Variants in PHF24 observed in about 807,000 individuals in gnomAD.
PHF24 encodes Galpha inhibitory interacting protein.
In PHF24, 25 loss-of-function variants were observed where a neutral mutation model predicts 42.6. The ratio of observed to expected loss-of-function variants is 0.59; its 90% CI spans 0.43 to 0.82. The LOEUF (loss-of-function observed/expected upper bound fraction) is 0.82, where lower values mean the gene tolerates loss of function less well. Among genes scored for constraint, PHF24 ranks in the 40% least tolerant of loss-of-function variants. PHF24 has a pLI of 0.00. For missense variants in PHF24, 470 were observed against 538.1 expected (o/e 0.87, Z 1.25); for synonymous variants, 185 against 204.8 (o/e 0.90, Z 0.83).
the PHF24 span, among the ~76,000 whole-genome samples, chr9:34,756,982 T>G: frequency 6.6e-6 from 1 of 152,152 alleles, no homozygotes; most frequent in Non-Finnish European, 1.5e-5. Flanking sequence ...CTTGGCTCAC[T>G]GCAACCTCAA....
At chr9:34,695,340 A>C in the PHF24 span, among the ~76,000 whole-genome samples, 2 of 152,290 alleles carry the variant, frequency 1.3e-5, no homozygotes, top group South Asian at 2.1e-4. Context: ...GAGGGCATGA[A>C]AGCTCCACAC....
chr9:34,899,873 G>T, the PHF24 span, among the ~76,000 whole-genome samples: 1 of 152,224 alleles, frequency 6.6e-6, no homozygotes, highest in African/African-American at 2.4e-5. Context: ...TCGGGAGCTT[G>T]TTAAAAATAT....
chr9:34,765,585 T>C, the PHF24 span, among the ~76,000 whole-genome samples: 3 of 148,616 alleles, frequency 2.0e-5, no homozygotes, highest in African/African-American at 7.4e-5. Context: ...ATTTTGAGCC[T>C]ATGTGTGTCT....
chr9:34,880,400 A>G, the PHF24 span, among the ~76,000 whole-genome samples: 1 of 152,336 alleles, frequency 6.6e-6, no homozygotes, highest in East Asian at 1.9e-4. Flanking sequence ...CAATTAAAAG[A>G]CACAGACTGG....
At chr9:34,802,524 A>G in the PHF24 span, among the ~76,000 whole-genome samples, 1 of 152,182 alleles carries the variant, frequency 6.6e-6, no homozygotes, top group Admixed American at 6.5e-5. Context: ...TGTGATTGTC[A>G]GTGTTTAAAA....
chr9:34,695,626 G>A, the PHF24 span, among the ~76,000 whole-genome samples: 1 of 152,136 alleles, frequency 6.6e-6, no homozygotes, highest in East Asian at 1.9e-4. Flanking sequence ...GGGATCTGAT[G>A]CTACCTCCAG....
chr9:34,790,354 T>C, the PHF24 span, among the ~76,000 whole-genome samples: 10 of 152,360 alleles, frequency 6.6e-5, no homozygotes, highest in Admixed American at 4.6e-4. Flanking sequence ...TCTTTTGTGA[T>C]TGTTTTTGTC....
At chr9:34,917,776 A>T in the PHF24 span, 1 of 1,037,458 alleles carries the variant, frequency 9.6e-7, no homozygotes, top group Non-Finnish European at 1.5e-6. Context: ...ATGCCTCCCC[A>T]GTGAGAATTT....
chr9:34,726,520 G>A, the PHF24 span: 2 of 1,551,760 alleles, frequency 1.3e-6, no homozygotes, highest in Non-Finnish European at 1.7e-6. Context: ...GGCTGGGGTT[G>A]CTCTGCGTCA....
At chr9:34,917,693 A>G in the PHF24 span, 2 of 785,788 alleles carry the variant, frequency 2.5e-6, no homozygotes, top group African/African-American at 1.7e-5. Flanking sequence ...AACCTATGGC[A>G]GGGACATCGT....
chr9:34,942,992 A>G, the PHF24 span, among the ~76,000 whole-genome samples: 1 of 152,064 alleles, frequency 6.6e-6, no homozygotes, highest in South Asian at 2.1e-4. Context: ...TAGAACTTAA[A>G]GTATAATAAT....
At chr9:34,730,820 C>T in the PHF24 span, among the ~76,000 whole-genome samples, 3 of 152,168 alleles carry the variant, frequency 2.0e-5, no homozygotes, top group Non-Finnish European at 4.4e-5. Context: ...GAAAAACTTA[C>T]CAGCTCATGC....
the PHF24 span, among the ~76,000 whole-genome samples, chr9:34,677,177 T>A: frequency 6.6e-6 from 1 of 152,178 alleles, no homozygotes; most frequent in African/African-American, 2.4e-5. Context: ...ATCCCTGGTT[T>A]TTCCCTTGCC....
At chr9:34,839,093 C>CTG in the PHF24 span, among the ~76,000 whole-genome samples, 1 of 152,208 alleles carries the variant, frequency 6.6e-6, no homozygotes, top group South Asian at 2.1e-4. Flanking sequence ...TCTATCCAGT[C>CTG]TGTGTGGCCT....
At chr9:34,724,366 C>T in the PHF24 span, 1 of 1,550,784 alleles carries the variant, frequency 6.4e-7, no homozygotes, top group African/African-American at 1.4e-5. Context: ...TAAGGTGAAC[C>T]CCTTCTGGAT....
the PHF24 span, among the ~76,000 whole-genome samples, chr9:34,883,149 C>G: frequency 6.6e-6 from 1 of 152,180 alleles, no homozygotes; most frequent in African/African-American, 2.4e-5. Context: ...GCTGGGAAAA[C>G]TGGCTAGCCA....
At chr9:34,744,402 C>T in the PHF24 span, among the ~76,000 whole-genome samples, 8 of 152,126 alleles carry the variant, frequency 5.3e-5, no homozygotes, top group Non-Finnish European at 7.4e-5. Flanking sequence ...AAAACTATAA[C>T]AAAATTGGCT....
the PHF24 span, among the ~76,000 whole-genome samples, chr9:34,883,962 GC>G: frequency 1.3e-5 from 2 of 152,132 alleles, no homozygotes; most frequent in Non-Finnish European, 2.9e-5. Flanking sequence ...CTTGGAACCA[GC>G]CCAAATGTCC....
chr9:34,786,802 A>C, the PHF24 span, among the ~76,000 whole-genome samples: 2 of 152,234 alleles, frequency 1.3e-5, no homozygotes, highest in Non-Finnish European at 2.9e-5. Flanking sequence ...CTCATGCTTC[A>C]GGTCTCTTGG....
Sources: allele counts gnomAD v4.1 joint callset (sites outside exome capture counted in the v4.1 genomes callset), GRCh38; gene constraint gnomAD v4.1.1; transcripts MANE v1.5; gene names NCBI Gene and HGNC (gene_info 2026-07-23, HGNC 2026-07-21).